ABI1: variants seen among roughly 807,000 people sequenced by gnomAD.
ABI1 encodes the protein abl interactor 1.
Under a neutral mutation model 54.6 loss-of-function variants are expected in ABI1, and 14 were observed. That is an observed-to-expected ratio of 0.26 (90% CI 0.17 to 0.40). The LOEUF (loss-of-function observed/expected upper bound fraction) is 0.40. ABI1 is among the 10% of genes least tolerant of loss of function. The pLI, the probability that ABI1 is intolerant of heterozygous loss-of-function variation, is 1.00. For missense variants in ABI1, 443 were observed against 598.3 expected (o/e 0.74, Z 2.71); for synonymous variants, 194 against 209.3 (o/e 0.93, Z 0.63).
intron 3 of ABI1, among the ~76,000 whole-genome samples, chr10:26,775,449 T>G (rs1488195516): frequency 6.6e-6 from 1 of 152,136 alleles, no homozygotes; most frequent in Non-Finnish European, 1.5e-5. Flanking sequence ...GTTAGTCATT[T>G]TATGTTATGT....
intron 7 of ABI1, among the ~76,000 whole-genome samples, chr10:26,761,084 A>G (rs1404275196): frequency 1.3e-5 from 2 of 151,766 alleles, no homozygotes; most frequent in Non-Finnish European, 2.9e-5. Context: ...CTGGGGATAT[A>G]GGAGAGTGCC....
intron 2 of ABI1, among the ~76,000 whole-genome samples, chr10:26,812,174 T>C (rs1197603314): frequency 6.6e-6 from 1 of 152,186 alleles, no homozygotes; most frequent in African/African-American, 2.4e-5. Context: ...CATCTCAAGA[T>C]CTTTAATTTA....
intron 3 of ABI1, among the ~76,000 whole-genome samples, chr10:26,775,255 T>C (rs1315309976): frequency 6.6e-6 from 1 of 152,182 alleles, no homozygotes; most frequent in East Asian, 1.9e-4. Context: ...AAAGTAATTG[T>C]ATGTATGTGT....
chr10:26,856,885 C>T (rs2134338158), intron 1 of ABI1, among the ~76,000 whole-genome samples: 1 of 152,282 alleles, frequency 6.6e-6, no homozygotes, highest in East Asian at 1.9e-4. Flanking sequence ...GCAGTATGAA[C>T]TAACTCTAAG....
intron 2 of ABI1, among the ~76,000 whole-genome samples, chr10:26,792,852 T>C (rs1429663307): frequency 6.6e-6 from 1 of 152,236 alleles, no homozygotes; most frequent in African/African-American, 2.4e-5. Context: ...TTTCATTTTG[T>C]TCTTTTTCCT....
chr10:26,836,030 A>G (rs1351892343), intron 1 of ABI1, among the ~76,000 whole-genome samples: 1 of 151,186 alleles, frequency 6.6e-6, no homozygotes, highest in Admixed American at 6.6e-5. Flanking sequence ...TAGGATTACA[A>G]GCATGAGCCA....
At chr10:26,813,961 A>T (rs2047399099) in intron 2 of ABI1, among the ~76,000 whole-genome samples, 1 of 152,212 alleles carries the variant, frequency 6.6e-6, no homozygotes, top group Non-Finnish European at 1.5e-5. Context: ...AAGATGTAAA[A>T]GGTTCCTAAC....
intron 1 of ABI1, among the ~76,000 whole-genome samples, chr10:26,855,970 C>CA (rs11369827): frequency 0.17 from 13,357 of 80,104 alleles, 1,099 homozygotes; most frequent in Admixed American, 0.19. Flanking sequence ...GACTCCATCT[C>CA]AAAAAAAAAA....
At chr10:26,851,564 A>C (rs141080063) in intron 1 of ABI1, among the ~76,000 whole-genome samples, 48 of 152,136 alleles carry the variant, frequency 3.2e-4, no homozygotes, top group African/African-American at 1.1e-3. Flanking sequence ...TATGAAGTCA[A>C]AAGAGTTTTC....
At chr10:26,761,616 T>TTATATATA in intron 7 of ABI1, among the ~76,000 whole-genome samples, 1 of 56,590 alleles carries the variant, frequency 1.8e-5, no homozygotes, top group Admixed American at 2.0e-4. Context: ...ATAGTTTTTG[T>TTATATATA]CATATATATA....
intron 3 of ABI1, among the ~76,000 whole-genome samples, chr10:26,774,512 G>T (rs543178934): frequency 6.6e-6 from 1 of 152,126 alleles, no homozygotes; most frequent in South Asian, 2.1e-4. Context: ...ATAGGTTCTG[G>T]TAGTTTCTCT....
At chr10:26,809,701 C>G (rs1316645824) in intron 2 of ABI1, among the ~76,000 whole-genome samples, 2 of 152,152 alleles carry the variant, frequency 1.3e-5, no homozygotes, top group East Asian at 3.8e-4. Flanking sequence ...CATATGGACA[C>G]TAATTAATGT....
Position 26,768,875 on chromosome 10 carries a change from T to G in ABI1, c.696A>C (p.Leu232Phe). 1 of 1,613,406 alleles carries G rather than the reference T, an allele frequency of 6.2e-7. No individual in the cohort carries two copies. Among genetic ancestry groups the G allele is most frequent in the Non-Finnish European group, 8.5e-7 (1 of 1,179,602 alleles). The change falls in exon 6 of 11, where the codon TTA becomes TTC. Residue 232 changes from leucine (L) to phenylalanine (F), a missense_variant. Leu to Phe is a conservative substitution (Grantham distance 22, BLOSUM62 0). This residue lies in a region of ABI1 where 394 missense variants were observed against 484.8 expected (regional missense o/e 0.81). Coordinates refer to ENST00000376140, the MANE Select transcript of ABI1 (RefSeq NM_001012750.3). ...SQHSPGRTAS[L>F]NQRPRTHSGS... ...ACCTGTGTGTCCTTGGTCTCTGATT[T>G]AAAGATGCTGTCCTGCCTGGACTAT... is the stretch of plus-strand genomic sequence containing the variant.
At chr10:26,819,898 A>G (rs1421366563) in intron 2 of ABI1, among the ~76,000 whole-genome samples, 1 of 152,202 alleles carries the variant, frequency 6.6e-6, no homozygotes, top group Admixed American at 6.5e-5. Context: ...AACCTGTAGG[A>G]CCTTACAGTA....
chr10:26,843,162 T>A lies in ABI1; in HGVS notation c.117+17585A>T, dbSNP rs151048623. Among the ~76,000 whole-genome samples the A allele has an allele frequency of 1.2e-3, 189 of 151,542 alleles. No homozygotes were observed. In the East Asian group the frequency reaches 0.013, roughly 11 times the overall value. On this transcript the variant is annotated intron_variant, in intron 1 of 10. Coordinates refer to ENST00000376140, the MANE Select transcript of ABI1 (RefSeq NM_001012750.3). ...TTTATAGTATCCATAGGTCAAAATA[T>A]CTTGGTGGGGTCCAGCATGGTGGCT...
intron 1 of ABI1, among the ~76,000 whole-genome samples, chr10:26,839,485 G>C: frequency 6.6e-6 from 1 of 152,072 alleles, no homozygotes; most frequent in East Asian, 1.9e-4. Flanking sequence ...GACAGAGCAG[G>C]ACCCTGTCTC....
chr10:26,832,517 G>C (rs1046401131), intron 1 of ABI1, among the ~76,000 whole-genome samples: 1 of 152,076 alleles, frequency 6.6e-6, no homozygotes, highest in Admixed American at 6.6e-5. Flanking sequence ...CCAGGAGGCG[G>C]AGCTTGCAGT....
chr10:26,806,465 C>G (rs1236563471), intron 2 of ABI1, among the ~76,000 whole-genome samples: 1 of 152,124 alleles, frequency 6.6e-6, no homozygotes, highest in Non-Finnish European at 1.5e-5. Context: ...AGCTGGACTC[C>G]AAGTTCAATG....
At chr10:26,850,942 A>G (rs1016402414) in intron 1 of ABI1, among the ~76,000 whole-genome samples, 2 of 152,180 alleles carry the variant, frequency 1.3e-5, no homozygotes, top group Non-Finnish European at 2.9e-5. Context: ...TTAATACTTA[A>G]TAGTAACAGA....
Sources: allele counts gnomAD v4.1 joint callset (sites outside exome capture counted in the v4.1 genomes callset), GRCh38; gene constraint gnomAD v4.1.1; regional missense constraint gnomAD v4.1.1; transcripts MANE v1.5; gene names NCBI Gene and HGNC (gene_info 2026-07-23, HGNC 2026-07-21).